The following TBC1D22A variants were observed in gnomAD, a reference collection of about 807,000 sequenced individuals.
TBC1D22A encodes TBC1 domain family member 22A.
In TBC1D22A, 38 loss-of-function variants were observed where a neutral mutation model predicts 60.2. That is an observed-to-expected ratio of 0.63 (90% CI 0.49 to 0.83). The LOEUF (loss-of-function observed/expected upper bound fraction) is 0.83, where lower values mean the gene tolerates loss of function less well. Ranked by LOEUF, TBC1D22A falls within the 40% of genes least tolerant of loss-of-function variation. The pLI is 0.00. For missense variants in TBC1D22A, 628 were observed against 701.0 expected (o/e 0.90, Z 1.18); for synonymous variants, 302 against 281.7 (o/e 1.07, Z -0.72).
intron 4 of TBC1D22A, among the ~76,000 whole-genome samples, chr22:46,869,290 T>C (rs964179005): frequency 2.6e-5 from 4 of 152,218 alleles, no homozygotes; most frequent in Non-Finnish European, 4.4e-5. Flanking sequence ...AGACCACCCC[T>C]CCTCTGGTGA....
At chr22:46,960,897 G>A (rs1418065331) in intron 8 of TBC1D22A, among the ~76,000 whole-genome samples, 3 of 143,758 alleles carry the variant, frequency 2.1e-5, no homozygotes, top group Non-Finnish European at 1.5e-5. Flanking sequence ...CAGTGAGCCA[G>A]TGAGCCGAGA....
chr22:47,155,235 A>G (rs115050516), intron 12 of TBC1D22A, among the ~76,000 whole-genome samples: 3,431 of 152,064 alleles, frequency 0.023, 107 homozygotes, highest in African/African-American at 0.078. Context: ...AATGAAATGA[A>G]TTACAAGGAC....
intron 5 of TBC1D22A, among the ~76,000 whole-genome samples, chr22:46,883,233 A>G (rs899032985): frequency 6.6e-6 from 1 of 152,234 alleles, no homozygotes; most frequent in Non-Finnish European, 1.5e-5. Flanking sequence ...GTAGGTTTGC[A>G]TAGGAACACA....
chr22:46,857,313 C>A (rs1046679619), intron 4 of TBC1D22A, among the ~76,000 whole-genome samples: 2 of 152,200 alleles, frequency 1.3e-5, no homozygotes, highest in Admixed American at 6.5e-5. Context: ...TCTCTGCTGC[C>A]CCTGGGTGGG....
In TBC1D22A at chr22:47,032,503, G is replaced by A. The variant is rs1033835675; in HGVS notation, c.1202-4568G>A. Reference sequence around the variant, plus strand: ...CTGGAGTGAGAGGAGAGAGGGAGTGGCCGCGAACACACACCCAAAGGGAAG... The same window carrying A: ...CTGGAGTGAGAGGAGAGAGGGAGTGACCGCGAACACACACCCAAAGGGAAG... On this transcript the variant is annotated intron_variant, in intron 10 of 12. Coordinates refer to ENST00000337137, the MANE Select transcript of TBC1D22A (RefSeq NM_014346.5). Among the ~76,000 whole-genome samples, 7 of 131,898 alleles carry A rather than the reference G, an allele frequency of 5.3e-5. No homozygotes were observed. In the East Asian group the frequency reaches 1.3e-3, roughly 24 times the overall value. 86.5% of individuals were successfully genotyped at this position (131,898 alleles called of 152,430 possible). A position where few individuals can be genotyped will look rare whatever the true frequency, so the allele number is the denominator to read the frequency against.
At chr22:47,108,916 T>C (rs909049876) in intron 11 of TBC1D22A, among the ~76,000 whole-genome samples, 1 of 152,200 alleles carries the variant, frequency 6.6e-6, no homozygotes, top group Non-Finnish European at 1.5e-5. Flanking sequence ...AGGATGGTCT[T>C]GATCTCCTGA....
chr22:47,162,675 G>GCACTTCCTCGT (rs1569479268), intron 12 of TBC1D22A, among the ~76,000 whole-genome samples: 1 of 49,558 alleles, frequency 2.0e-5, no homozygotes, highest in African/African-American at 6.3e-5. Context: ...CCCGGTGCAG[G>GCACTTCCTCGT]GAGAGTCGTG....
chr22:46,932,702 T>C (rs189951874), intron 8 of TBC1D22A, among the ~76,000 whole-genome samples: 1 of 147,102 alleles, frequency 6.8e-6, no homozygotes, highest in African/African-American at 2.5e-5. Context: ...TTTAGTGCAG[T>C]GTGCGTTGTC....
intron 12 of TBC1D22A, among the ~76,000 whole-genome samples, chr22:47,149,787 C>T (rs1159173106): frequency 2.0e-5 from 3 of 152,194 alleles, no homozygotes; most frequent in African/African-American, 7.2e-5. Flanking sequence ...GTGATGTCCT[C>T]TTGGGAAGGT....
chr22:46,867,815 A>T lies in TBC1D22A; in HGVS notation c.638-10838A>T, dbSNP rs543879151. On this transcript the variant is annotated intron_variant, in intron 4 of 12. Coordinates refer to ENST00000337137, the MANE Select transcript of TBC1D22A (RefSeq NM_014346.5). ...ACAAAATCAAAGAGACACTTAAAAG[A>T]CAGAAACTGTTGCTAATAAGCAGAT... Among the ~76,000 whole-genome samples the T allele has an allele frequency of 1.1e-4, 16 of 152,374 alleles. 1 individual carries two copies. The South Asian group carries it at 3.1e-3, about 30-fold the overall frequency.
intron 4 of TBC1D22A, among the ~76,000 whole-genome samples, chr22:46,809,524 A>G (rs1171904760): frequency 6.6e-6 from 1 of 152,018 alleles, no homozygotes; most frequent in Non-Finnish European, 1.5e-5. Context: ...AAACCCATGG[A>G]TTTGTTTTAG....
chr22:46,927,016 T>C (rs2071084844), intron 8 of TBC1D22A, among the ~76,000 whole-genome samples: 2 of 152,210 alleles, frequency 1.3e-5, no homozygotes, highest in Admixed American at 6.5e-5. Context: ...GTGAATTTTA[T>C]CAAAGGTTTA....
In TBC1D22A at chr22:47,009,046, G is replaced by C. The variant is rs1295018786; in HGVS notation, c.1201+11337G>C. ...TACTCTTCAGCTCTGTGGAGTAACA[G>C]CTTGGAGTTTGGAAGCTGGCAGAAT... On this transcript the variant is annotated intron_variant, in intron 10 of 12. Transcript: ENST00000337137. This position sits in a 1 kb window ranked among gnomAD's most constrained non-coding sequence, Gnocchi z 5.8. Among the ~76,000 whole-genome samples, 1 of 152,204 alleles carries C rather than the reference G, an allele frequency of 6.6e-6. No homozygotes were observed. The highest frequency in any genetic ancestry group is 1.5e-5 in the Non-Finnish European group (1 of 68,044).
chr22:46,811,612 G>A (rs903517484), intron 4 of TBC1D22A, among the ~76,000 whole-genome samples: 4 of 152,164 alleles, frequency 2.6e-5, no homozygotes, highest in Non-Finnish European at 4.4e-5. Context: ...CGTGCTGAGC[G>A]CGTTGTGTGC....
At chr22:46,968,143 G>A (rs1489471773) in intron 8 of TBC1D22A, among the ~76,000 whole-genome samples, 2 of 152,188 alleles carry the variant, frequency 1.3e-5, no homozygotes, top group African/African-American at 2.4e-5. Context: ...CGGGGTTGTT[G>A]TATTTCTGGA....
intron 12 of TBC1D22A, among the ~76,000 whole-genome samples, chr22:47,165,771 C>T (rs536702389): frequency 3.2e-4 from 49 of 152,190 alleles, no homozygotes; most frequent in Non-Finnish European, 5.0e-4. Context: ...CCCCGGACCC[C>T]GGGGGTCCTC....
chr22:46,824,963 G>A (rs2085986604), intron 4 of TBC1D22A, among the ~76,000 whole-genome samples: 1 of 152,156 alleles, frequency 6.6e-6, no homozygotes, highest in Non-Finnish European at 1.5e-5. Flanking sequence ...TGTAGCCGAG[G>A]CAGATGCCAG....
At chr22:47,001,353 C>T (rs1157662781) in intron 10 of TBC1D22A, among the ~76,000 whole-genome samples, 1 of 146,034 alleles carries the variant, frequency 6.8e-6, no homozygotes, top group Non-Finnish European at 1.5e-5. Flanking sequence ...ATAAAGTGAC[C>T]CACACACATG....
rs1022697100 is a variant in TBC1D22A at position 46,990,895 on chromosome 22, T to C, written c.1126-6739T>C. Among the ~76,000 whole-genome samples, 3 of 152,198 alleles carry C rather than the reference T, an allele frequency of 2.0e-5. No individual in the cohort carries two copies. The highest frequency in any genetic ancestry group is 4.4e-5 in the Non-Finnish European group (3 of 68,032). Reference sequence around the variant, plus strand: ...GCCTCCTCCTGCTGGTGTGCCGCTTTACTCTGCTGGTTGGCCCGTGTCTGA... The same window carrying C: ...GCCTCCTCCTGCTGGTGTGCCGCTTCACTCTGCTGGTTGGCCCGTGTCTGA... On this transcript the variant is annotated intron_variant, in intron 9 of 12. Coordinates refer to ENST00000337137, the MANE Select transcript of TBC1D22A (RefSeq NM_014346.5). The surrounding 1 kb of genome is among the most constrained non-coding windows in gnomAD (Gnocchi z 4.6).
Sources: allele counts gnomAD v4.1 joint callset (sites outside exome capture counted in the v4.1 genomes callset), GRCh38; gene constraint gnomAD v4.1.1; non-coding constraint Gnocchi (gnomAD v3.1); transcripts MANE v1.5; gene names NCBI Gene and HGNC (gene_info 2026-07-23, HGNC 2026-07-21).